DPH6: variants seen among roughly 807,000 people sequenced by gnomAD.
The protein encoded by DPH6 is diphthamine biosynthesis 6.
Under a neutral mutation model 38.2 loss-of-function variants are expected in DPH6, and 33 were observed. The ratio of observed to expected loss-of-function variants is 0.86; its 90% CI spans 0.65 to 1.15. The LOEUF is 1.15. Among genes scored for constraint, DPH6 ranks in the 50% most tolerant of loss-of-function variants. The pLI, the probability that DPH6 is intolerant of heterozygous loss-of-function variation, is 0.00. For missense variants in DPH6, 325 were observed against 320.0 expected, an observed-to-expected ratio of 1.02 and a Z score of -0.12; for synonymous variants, 108 against 103.0, an observed-to-expected ratio of 1.05 and a Z score of -0.30.
exon 4 of DPH6, chr15:35,220,086 TATA>T (rs1028344355): frequency 1.1e-4 from 17 of 152,178 alleles, no homozygotes; most frequent in African/African-American, 3.6e-4. Context: ...CAAAGCAGAG[TATA>T]ATAAGGAACA....
chr15:35,308,541 G>A (rs755867890), intron 3 of DPH6, among the ~76,000 whole-genome samples: 1 of 151,956 alleles, frequency 6.6e-6, no homozygotes, highest in Non-Finnish European at 1.5e-5. Flanking sequence ...TAATTTAAGT[G>A]CCTGGTGGCC....
chr15:35,248,151 G>A (rs2051648432), intron 3 of DPH6, among the ~76,000 whole-genome samples: 1 of 152,152 alleles, frequency 6.6e-6, no homozygotes, highest in South Asian at 2.1e-4. Context: ...AGCCTCAGAA[G>A]CAGCCTAAGA....
chr15:35,208,258 G>A, the DPH6 span, among the ~76,000 whole-genome samples: 16 of 152,192 alleles, frequency 1.1e-4, no homozygotes, highest in African/African-American at 2.9e-4. Context: ...TGTGTCAGCC[G>A]CAGCAAAAAT....
chr15:35,493,250 G>A (rs1566929996), intron 3 of DPH6, among the ~76,000 whole-genome samples: 1 of 152,142 alleles, frequency 6.6e-6, no homozygotes, highest in Admixed American at 6.6e-5. Context: ...TTAAATGAGT[G>A]TATTGTATGA....
the DPH6 span, among the ~76,000 whole-genome samples, chr15:35,201,992 GA>G: frequency 6.6e-6 from 1 of 151,702 alleles, no homozygotes; most frequent in Non-Finnish European, 1.5e-5. Context: ...GAAATAGGGT[GA>G]ATAAGCCCTG....
intron 3 of DPH6, among the ~76,000 whole-genome samples, chr15:35,498,667 C>T (rs117165070): frequency 5.5e-4 from 83 of 152,198 alleles, no homozygotes; most frequent in Non-Finnish European, 1.0e-3. Flanking sequence ...ACAACAGTCA[C>T]GACCTTATAT....
chr15:35,373,494 A>G (rs758914462), intron 8 of DPH6, 27 bp downstream of exon 8: 3 of 1,581,236 alleles, frequency 1.9e-6, no homozygotes, highest in Non-Finnish European at 2.6e-6. Context: ...TTCTATTGAA[A>G]TCACTGTGAA....
At chr15:35,412,988 G>A (rs909906543) in intron 5 of DPH6, among the ~76,000 whole-genome samples, 3 of 122,416 alleles carry the variant, frequency 2.5e-5, no homozygotes, top group Non-Finnish European at 6.0e-5. Flanking sequence ...TGAACTTTGG[G>A]TGATTATGAT....
chr15:35,414,182 C>T (rs139950617), intron 5 of DPH6, among the ~76,000 whole-genome samples: 194 of 151,822 alleles, frequency 1.3e-3, no homozygotes, highest in Non-Finnish European at 2.3e-3. Context: ...CTATTTCTAA[C>T]TGAAATTTGT....
At chr15:35,416,490 G>A (rs576237604) in intron 5 of DPH6, among the ~76,000 whole-genome samples, 1 of 151,938 alleles carries the variant, frequency 6.6e-6, no homozygotes, top group Non-Finnish European at 1.5e-5. Flanking sequence ...AAATGTCCAG[G>A]TTTTAGTAAT....
chr15:35,402,321 C>T (rs373735768), intron 6 of DPH6, among the ~76,000 whole-genome samples: 13 of 152,182 alleles, frequency 8.5e-5, no homozygotes, highest in African/African-American at 3.1e-4. Flanking sequence ...AGGGATTACC[C>T]AAGCAAAATC....
chr15:35,420,887 A>G (rs1447385888), intron 5 of DPH6, among the ~76,000 whole-genome samples: 3 of 152,200 alleles, frequency 2.0e-5, no homozygotes, highest in Non-Finnish European at 4.4e-5. Flanking sequence ...CAGGGGCAGG[A>G]CTCAAATAAA....
At chr15:35,204,018 A>C in the DPH6 span, among the ~76,000 whole-genome samples, 1 of 151,702 alleles carries the variant, frequency 6.6e-6, no homozygotes, top group Non-Finnish European at 1.5e-5. Flanking sequence ...GTACATCTAC[A>C]CTTTTATTTA....
the DPH6 span, among the ~76,000 whole-genome samples, chr15:35,163,830 A>G: frequency 1.3e-5 from 2 of 151,814 alleles, no homozygotes; most frequent in Non-Finnish European, 2.9e-5. Context: ...AGGCAACTGG[A>G]TTTATTTTGT....
chr15:35,377,752 G>A (rs1442323156), intron 7 of DPH6, among the ~76,000 whole-genome samples: 1 of 152,040 alleles, frequency 6.6e-6, no homozygotes, highest in Non-Finnish European at 1.5e-5. Flanking sequence ...ATTATTTCCA[G>A]ACAAAGCCTG....
At chr15:35,501,391 G>A (rs867999030) in intron 3 of DPH6, among the ~76,000 whole-genome samples, 1 of 152,134 alleles carries the variant, frequency 6.6e-6, no homozygotes, top group Non-Finnish European at 1.5e-5. Context: ...CCAGACTGCC[G>A]ACATGGGATC....
At chr15:35,237,768 A>G in intron 3 of DPH6, 1 of 1,610,972 alleles carries the variant, frequency 6.2e-7, no homozygotes, top group Non-Finnish European at 8.5e-7. Flanking sequence ...CTTGACGGCT[A>G]TGACCGGGAC....
intron 3 of DPH6, among the ~76,000 whole-genome samples, chr15:35,531,498 G>T (rs1414819502): frequency 6.6e-6 from 1 of 152,158 alleles, no homozygotes; most frequent in African/African-American, 2.4e-5. Flanking sequence ...TTGAGGCAGA[G>T]TCTCACTCTG....
At chr15:35,478,916 C>A (rs60500834) in intron 3 of DPH6, among the ~76,000 whole-genome samples, 1 of 151,884 alleles carries the variant, frequency 6.6e-6, no homozygotes, top group African/African-American at 2.4e-5. Flanking sequence ...GCTTTAACTA[C>A]AGAAGAAGGC....
Sources: allele counts gnomAD v4.1 joint callset (sites outside exome capture counted in the v4.1 genomes callset), GRCh38; gene constraint gnomAD v4.1.1; transcripts MANE v1.5; gene names NCBI Gene and HGNC (gene_info 2026-07-23, HGNC 2026-07-21).